The following ASCC2 variants were observed in gnomAD, a reference collection of about 807,000 sequenced individuals.
The protein encoded by ASCC2 is activating signal cointegrator 1 complex subunit 2, also known as ASC-1 complex subunit P100.
ASCC2 carries 42 observed loss-of-function variants against 93.5 expected under a neutral mutation model. That is an observed-to-expected ratio of 0.45 (90% CI 0.35 to 0.58). The LOEUF (loss-of-function observed/expected upper bound fraction) is 0.58, where lower values mean the gene tolerates loss of function less well. Among genes scored for constraint, ASCC2 ranks in the 20% least tolerant of loss-of-function variants. The probability of loss-of-function intolerance (pLI) is 0.00; values close to 1 mark genes in which losing one functional copy is unlikely to be tolerated. For missense variants in ASCC2, 859 were observed against 977.6 expected, an observed-to-expected ratio of 0.88 and a Z score of 1.62; for synonymous variants, 364 against 384.2, an observed-to-expected ratio of 0.95 and a Z score of 0.62.
chr22:29,826,833 C>G (rs1179702279), intron 2 of ASCC2, among the ~76,000 whole-genome samples: 1 of 152,032 alleles, frequency 6.6e-6, no homozygotes, highest in Non-Finnish European at 1.5e-5. Context: ...CACAGTGGCT[C>G]ATGCCTATAA....
intron 7 of ASCC2, 86 bp downstream of exon 7, chr22:29,814,571 T>C: frequency 2.6e-6 from 3 of 1,163,924 alleles, no homozygotes; most frequent in Non-Finnish European, 3.6e-6. Flanking sequence ...GGTCCTCTAC[T>C]GGGGCAATCT....
chr22:29,789,416 G>A (rs951984591), intron 19 of ASCC2, among the ~76,000 whole-genome samples: 1 of 152,194 alleles, frequency 6.6e-6, no homozygotes, highest in Non-Finnish European at 1.5e-5. Flanking sequence ...TTCCAGGTCC[G>A]CCCATTGCTA....
At position 29,806,253 on chromosome 22, in the gene ASCC2, CG is replaced by C. The variant is rs778621722; in HGVS notation, c.1122del (p.Glu375LysfsTer45). On this transcript the variant is annotated frameshift_variant, in exon 12 of 20. Coordinates refer to ENST00000307790, the MANE Select transcript of ASCC2 (RefSeq NM_032204.5). LOFTEE classifies it high-confidence loss of function. ...LRDYDALFPV[A>X]EDISLLQQAS... ...GCCTGCTGCAGCAAGCTGATGTCTTCGGCCACGGGGAAGAGTGCATCATAGT... is the reference window on the plus strand; with the variant it reads ...GCCTGCTGCAGCAAGCTGATGTCTTCGCCACGGGGAAGAGTGCATCATAGT... 1 of 1,614,122 alleles carries C rather than the reference CG, an allele frequency of 6.2e-7. No homozygotes were observed. The highest frequency in any genetic ancestry group is 8.5e-7 in the Non-Finnish European group (1 of 1,180,044).
chr22:29,807,993 C>A lies in ASCC2; in HGVS notation c.908+118G>T. 11 of 960,454 alleles carry A rather than the reference C, an allele frequency of 1.1e-5. No individual in the cohort carries two copies. In the South Asian group the frequency reaches 1.6e-4, roughly 14 times the overall value. 59.5% of individuals were successfully genotyped at this position (960,454 alleles called of 1,614,324 possible). A position where few individuals can be genotyped will look rare whatever the true frequency, so the allele number is the denominator to read the frequency against. On this transcript the variant is annotated intron_variant, in intron 9 of 19. Transcript: ENST00000307790. ...AGGGATGCAGAAGCTCAAAGCTGCACAGTCCCTGGTCCCACCCACTTGTCT... is the reference window on the plus strand; with the variant it reads ...AGGGATGCAGAAGCTCAAAGCTGCAAAGTCCCTGGTCCCACCCACTTGTCT...
At chr22:29,827,264 T>G (rs934506048) in intron 2 of ASCC2, among the ~76,000 whole-genome samples, 2 of 151,974 alleles carry the variant, frequency 1.3e-5, no homozygotes, top group Non-Finnish European at 2.9e-5. Context: ...TTGTTCACCA[T>G]AAAGAGGAGA....
At chr22:29,819,440 G>A (rs572724631) in intron 5 of ASCC2, among the ~76,000 whole-genome samples, 5 of 152,220 alleles carry the variant, frequency 3.3e-5, no homozygotes, top group Middle Eastern at 3.4e-3. Flanking sequence ...GGAATTACAG[G>A]CGTGAGCCAC....
Position 29,788,912 on chromosome 22 carries a change from T to G in ASCC2, c.*101A>C. Reference sequence around the variant, plus strand: ...CTGCAAAGCTGAGGCTGTTGAGGGGTTGAGTTGAACTTGGGGCCCCTAGTG... The same window carrying G: ...CTGCAAAGCTGAGGCTGTTGAGGGGGTGAGTTGAACTTGGGGCCCCTAGTG... On this transcript the variant is annotated 3_prime_UTR_variant, in exon 20 of 20. Transcript: ENST00000307790. The G allele has an allele frequency of 7.0e-7, 1 of 1,427,636 alleles. No homozygotes were observed. The highest frequency in any genetic ancestry group is 9.7e-7 in the Non-Finnish European group (1 of 1,031,264). 88.4% of individuals were successfully genotyped at this position (1,427,636 alleles called of 1,614,324 possible). A position where few individuals can be genotyped will look rare whatever the true frequency, so the allele number is the denominator to read the frequency against.
At chr22:29,828,339 C>A (rs1203511815) in intron 2 of ASCC2, among the ~76,000 whole-genome samples, 1 of 152,144 alleles carries the variant, frequency 6.6e-6, no homozygotes, top group Non-Finnish European at 1.5e-5. Flanking sequence ...CCTGTGCCAG[C>A]CACTAAGCAG....
intron 1 of ASCC2, chr22:29,833,542 TCA>T: frequency 2.1e-6 from 1 of 470,178 alleles, no homozygotes; most frequent in Non-Finnish European, 4.4e-6. Flanking sequence ...CAAACTGACC[TCA>T]CAGTCAGTGA....
intron 8 of ASCC2, among the ~76,000 whole-genome samples, chr22:29,808,884 C>T (rs921668817): frequency 4.0e-5 from 6 of 151,474 alleles, no homozygotes; most frequent in African/African-American, 9.7e-5. Flanking sequence ...TCTGGGAGAC[C>T]GAGATGGGTG....
At chr22:29,818,219 C>T (rs2061098801) in intron 5 of ASCC2, among the ~76,000 whole-genome samples, 1 of 152,028 alleles carries the variant, frequency 6.6e-6, no homozygotes, top group Non-Finnish European at 1.5e-5. Flanking sequence ...ATCACTTTGA[C>T]TGAGTTTCCG....
chr22:29,828,621 C>T (rs2062742417), intron 2 of ASCC2, among the ~76,000 whole-genome samples: 1 of 152,150 alleles, frequency 6.6e-6, no homozygotes, highest in South Asian at 2.1e-4. Flanking sequence ...CTCCCTGACT[C>T]CCATCCCAGC....
At chr22:29,815,484 G>T (rs1297436699) in intron 6 of ASCC2, among the ~76,000 whole-genome samples, 1 of 151,978 alleles carries the variant, frequency 6.6e-6, no homozygotes, top group Non-Finnish European at 1.5e-5. Flanking sequence ...AGAGGAAAAC[G>T]GTCCATCGTA....
At chr22:29,822,291 G>C (rs1366406613) in intron 5 of ASCC2, 44 bp downstream of exon 5, 2 of 1,608,190 alleles carry the variant, frequency 1.2e-6, no homozygotes, top group South Asian at 1.1e-5. Flanking sequence ...TTTGGCATGT[G>C]GGGGCCATCT....
chr22:29,825,199 CG>C lies in ASCC2; in HGVS notation c.298del (p.Arg100AlafsTer80). The C allele has an allele frequency of 6.4e-7, 1 of 1,558,294 alleles. No individual in the cohort carries two copies. The highest frequency in any genetic ancestry group is 8.7e-7 in the Non-Finnish European group (1 of 1,152,784). ...TGAGGCCACCCCCTCGTCGAATTTG[CG>C]GGGGACATAGCGCAGGTAGGAGTCC... ...CLDSYLRYVPRKFDEGVASAP... is the reference protein window; with the variant it reads ...CLDSYLRYVPXKFDEGVASAP... On this transcript the variant is annotated frameshift_variant, in exon 4 of 20. Transcript: ENST00000307790. LOFTEE classifies it high-confidence loss of function. This position sits in a 1 kb window ranked among gnomAD's most constrained non-coding sequence, Gnocchi z 4.9.
At chr22:29,808,698 C>T (rs1037538101) in intron 8 of ASCC2, among the ~76,000 whole-genome samples, 5 of 151,750 alleles carry the variant, frequency 3.3e-5, no homozygotes, top group African/African-American at 1.2e-4. Context: ...TGGTCCACAC[C>T]TGTAGCCCCA....
At chr22:29,815,024 G>C (rs558444860) in intron 6 of ASCC2, 1 of 348,546 alleles carries the variant, frequency 2.9e-6, no homozygotes, top group East Asian at 8.0e-5. Flanking sequence ...GGCCAGGTGT[G>C]GTGGCTCACT....
At chr22:29,802,909 C>T (rs769782428) in intron 13 of ASCC2, among the ~76,000 whole-genome samples, 1 of 151,836 alleles carries the variant, frequency 6.6e-6, no homozygotes. Context: ...GCACTCCAGC[C>T]TGGGTGACAG....
intron 13 of ASCC2, among the ~76,000 whole-genome samples, chr22:29,803,754 G>A (rs115117498): frequency 2.6e-3 from 396 of 152,314 alleles, no homozygotes; most frequent in African/African-American, 9.2e-3. Flanking sequence ...AAACCTCCAT[G>A]ACTCTGCTAA....
Sources: allele counts gnomAD v4.1 joint callset (sites outside exome capture counted in the v4.1 genomes callset), GRCh38; gene constraint gnomAD v4.1.1; non-coding constraint Gnocchi (gnomAD v3.1); transcripts MANE v1.5; gene names NCBI Gene and HGNC (gene_info 2026-07-23, HGNC 2026-07-21).